Variants in CSNK1G3 observed in about 807,000 individuals in gnomAD.
The protein encoded by CSNK1G3 is casein kinase I isoform gamma-3.
A neutral mutation model predicts 64.3 loss-of-function variants in CSNK1G3; 23 were observed. The observed-to-expected ratio is 0.36, with a 90% CI of 0.26 to 0.51. CSNK1G3 has a LOEUF of 0.51. Among genes scored for constraint, CSNK1G3 ranks in the 20% least tolerant of loss-of-function variants. CSNK1G3 has a pLI of 0.96. For missense variants in CSNK1G3, 357 were observed against 510.5 expected (o/e 0.70, Z 2.90); for synonymous variants, 158 against 162.2 (o/e 0.97, Z 0.20).
intron 10 of CSNK1G3, among the ~76,000 whole-genome samples, chr5:123,597,583 T>A (rs1793669565): frequency 6.6e-6 from 1 of 152,114 alleles, no homozygotes; most frequent in African/African-American, 2.4e-5. Context: ...CCTCTTGCCA[T>A]TTTTGACCTA....
intron 6 of CSNK1G3, among the ~76,000 whole-genome samples, chr5:123,582,635 T>C (rs75500591): frequency 0.012 from 1,800 of 152,288 alleles, 42 homozygotes; most frequent in African/African-American, 0.04. Flanking sequence ...TTTCCTTAGG[T>C]GCTCATAGCA....
chr5:123,552,143 A>C (rs1014381113), intron 2 of CSNK1G3, among the ~76,000 whole-genome samples: 4 of 127,858 alleles, frequency 3.1e-5, no homozygotes, highest in African/African-American at 1.3e-4. Context: ...ATAAAACGTT[A>C]TGATCCTAAT....
chr5:123,544,165 C>A (rs1453892537), intron 1 of CSNK1G3, among the ~76,000 whole-genome samples: 1 of 152,124 alleles, frequency 6.6e-6, no homozygotes, highest in African/African-American at 2.4e-5. Context: ...ACCAGTACTG[C>A]ACATAGCCCT....
chr5:123,520,326 ATCT>A (rs939124127), intron 1 of CSNK1G3, among the ~76,000 whole-genome samples: 7 of 152,176 alleles, frequency 4.6e-5, no homozygotes, highest in Non-Finnish European at 1.0e-4. Context: ...AAATCCATCC[ATCT>A]TCTGGAAGAA....
At chr5:123,513,651 C>T (rs922557292) in intron 1 of CSNK1G3, among the ~76,000 whole-genome samples, 46 of 151,992 alleles carry the variant, frequency 3.0e-4, no homozygotes, top group African/African-American at 1.1e-3. Context: ...TGACATTTGG[C>T]CACAGATATG....
At chr5:123,606,152 AT>A (rs948236513) in intron 12 of CSNK1G3, among the ~76,000 whole-genome samples, 6 of 151,250 alleles carry the variant, frequency 4.0e-5, no homozygotes, top group African/African-American at 7.3e-5. Flanking sequence ...ACTTTTGTGG[AT>A]TTTTTTTTGT....
chr5:123,582,419 C>G (rs906231393), intron 6 of CSNK1G3, among the ~76,000 whole-genome samples: 2 of 152,086 alleles, frequency 1.3e-5, no homozygotes, highest in East Asian at 1.9e-4. Context: ...TTACAAATAA[C>G]TGTTTTCAGT....
chr5:123,594,739 C>A (rs911018242), intron 10 of CSNK1G3, among the ~76,000 whole-genome samples: 1 of 152,088 alleles, frequency 6.6e-6, no homozygotes, highest in South Asian at 2.1e-4. Context: ...TTTTACCTTT[C>A]TGGTTCTTTA....
chr5:123,523,862 T>C (rs1292805160), intron 1 of CSNK1G3, among the ~76,000 whole-genome samples: 1 of 152,220 alleles, frequency 6.6e-6, no homozygotes, highest in African/African-American at 2.4e-5. Flanking sequence ...GGTTTCATTG[T>C]GGAAATAGCA....
exon 5 of CSNK1G3, chr5:123,573,418 C>T (rs777237520): frequency 2.5e-5 from 40 of 1,613,748 alleles, no homozygotes; most frequent in African/African-American, 5.3e-5. Flanking sequence ...TTTACTATTT[C>T]GGCCCTTGTG....
chr5:123,535,862 C>A (rs1220008192), intron 1 of CSNK1G3, among the ~76,000 whole-genome samples: 1 of 152,140 alleles, frequency 6.6e-6, no homozygotes, highest in Admixed American at 6.6e-5. Flanking sequence ...CTGCCTCTCT[C>A]TCCCTCCTAG....
At chr5:123,594,990 T>C (rs377002420) in intron 10 of CSNK1G3, 49 bp from the exon 11 acceptor site, 103 of 1,497,768 alleles carry the variant, frequency 6.9e-5, no homozygotes, top group Non-Finnish European at 8.4e-5. Flanking sequence ...GTTTAACATA[T>C]TGGGTTTTTC....
At chr5:123,567,338 C>T (rs943598832) in intron 4 of CSNK1G3, among the ~76,000 whole-genome samples, 5 of 152,044 alleles carry the variant, frequency 3.3e-5, no homozygotes, top group Non-Finnish European at 4.4e-5. Flanking sequence ...TGGTGGCTCA[C>T]GCCTGTAATC....
intron 1 of CSNK1G3, among the ~76,000 whole-genome samples, chr5:123,531,983 G>T (rs532329192): frequency 1.3e-5 from 2 of 151,758 alleles, no homozygotes; most frequent in Admixed American, 6.6e-5. Flanking sequence ...TGTAATTTTT[G>T]AATCTAAAGC....
chr5:123,572,995 A>G (rs1344667864), intron 4 of CSNK1G3, among the ~76,000 whole-genome samples: 1 of 152,220 alleles, frequency 6.6e-6, no homozygotes, highest in Non-Finnish European at 1.5e-5. Context: ...TCTTAGCAGT[A>G]TGCCTATCAC....
chr5:123,532,344 T>C (rs1277822841), intron 1 of CSNK1G3, among the ~76,000 whole-genome samples: 1 of 151,890 alleles, frequency 6.6e-6, no homozygotes, highest in Non-Finnish European at 1.5e-5. Flanking sequence ...CTTTTTGTAG[T>C]GCATGTATTA....
At chr5:123,601,579 TAA>T (rs1226212323) in intron 10 of CSNK1G3, among the ~76,000 whole-genome samples, 1 of 152,184 alleles carries the variant, frequency 6.6e-6, no homozygotes, top group Non-Finnish European at 1.5e-5. Flanking sequence ...AAGTCAGGTA[TAA>T]AAAGTCTTCC....
rs17475264 is a variant in CSNK1G3 at position 123,551,079 on chromosome 5, T to G, written c.179-2028T>G. 8.8e-3 allele frequency among the ~76,000 whole-genome samples: 1,345 copies of G among 152,342 alleles called. 8 individuals carry two copies. The highest frequency in any genetic ancestry group is 0.015 in the Non-Finnish European group (993 of 68,028). On this transcript the variant is annotated intron_variant, in intron 2 of 12. Coordinates refer to ENST00000345990, the Ensembl canonical transcript of CSNK1G3. ...GAGATCTGTAGTTAACCTAACTTCTTGTCCTGTGAAATTTTTTCCTTGTGT... is the reference window on the plus strand; with the variant it reads ...GAGATCTGTAGTTAACCTAACTTCTGGTCCTGTGAAATTTTTTCCTTGTGT...
intron 1 of CSNK1G3, among the ~76,000 whole-genome samples, chr5:123,545,061 A>T (rs1047422694): frequency 4.6e-5 from 7 of 152,152 alleles, no homozygotes; most frequent in African/African-American, 1.4e-4. Context: ...TCTACTTTTA[A>T]ATTGAAAATC....
Sources: allele counts gnomAD v4.1 joint callset (sites outside exome capture counted in the v4.1 genomes callset), GRCh38; gene constraint gnomAD v4.1.1; transcripts MANE v1.5; gene names NCBI Gene and HGNC (gene_info 2026-07-23, HGNC 2026-07-21).